SDK1: variants seen among roughly 807,000 people sequenced by gnomAD.
SDK1 encodes the protein sidekick cell adhesion molecule 1.
In SDK1, 157 loss-of-function variants were observed where a neutral mutation model predicts 245.5. That is an observed-to-expected ratio of 0.64 (90% CI 0.56 to 0.73). SDK1 has a LOEUF of 0.73. Ranked by LOEUF, SDK1 falls within the 30% of genes least tolerant of loss-of-function variation. The probability of loss-of-function intolerance (pLI) is 0.00; values close to 1 mark genes in which losing one functional copy is unlikely to be tolerated. For missense variants in SDK1, 3,583 were observed against 3,002.3 expected, an observed-to-expected ratio of 1.19 and a Z score of -4.52; for synonymous variants, 1,647 against 1,278.5, an observed-to-expected ratio of 1.29 and a Z score of -6.15.
chr7:3,516,696 G>T (rs1583985393), intron 1 of SDK1, among the ~76,000 whole-genome samples: 2 of 152,214 alleles, frequency 1.3e-5, no homozygotes, highest in African/African-American at 4.8e-5. Flanking sequence ...TTGTATAAAT[G>T]ATAATTTGGA....
chr7:3,480,474 C>G (rs544635769), intron 1 of SDK1, among the ~76,000 whole-genome samples: 1 of 151,556 alleles, frequency 6.6e-6, no homozygotes, highest in Non-Finnish European at 1.5e-5. Context: ...CTGCCTGCCT[C>G]GTGCACATAC....
chr7:3,739,728 A>G (rs1439502243), intron 4 of SDK1, among the ~76,000 whole-genome samples: 1 of 152,136 alleles, frequency 6.6e-6, no homozygotes, highest in Non-Finnish European at 1.5e-5. Flanking sequence ...AGCTAATTTC[A>G]AGGTTTTTTT....
At chr7:3,666,753 CAAA>C (rs1470511787) in intron 4 of SDK1, among the ~76,000 whole-genome samples, 1 of 151,756 alleles carries the variant, frequency 6.6e-6, no homozygotes, top group Non-Finnish European at 1.5e-5. Flanking sequence ...TTTGTGAAAA[CAAA>C]AAAAATCAAA....
intron 40 of SDK1, among the ~76,000 whole-genome samples, chr7:4,229,736 C>T (rs970472608): frequency 6.6e-6 from 1 of 152,146 alleles, no homozygotes; most frequent in African/African-American, 2.4e-5. Context: ...AAGCAACACC[C>T]AGTTTATAAG....
chr7:4,088,930 G>A (rs1781602569), intron 22 of SDK1, among the ~76,000 whole-genome samples: 1 of 151,964 alleles, frequency 6.6e-6, no homozygotes, highest in Non-Finnish European at 1.5e-5. Flanking sequence ...TCAGGCGGAG[G>A]TGAGACCCTT....
chr7:3,720,599 A>G (rs1367248967), intron 4 of SDK1, among the ~76,000 whole-genome samples: 2 of 152,244 alleles, frequency 1.3e-5, no homozygotes, highest in African/African-American at 4.8e-5. Context: ...GTGAGAATGC[A>G]GAGAAACTGG....
Position 3,849,415 on chromosome 7 carries a change from A to G in SDK1, c.847+27832A>G, listed in dbSNP as rs149038757. 5.9e-5 allele frequency among the ~76,000 whole-genome samples: 9 copies of G among 152,348 alleles called. No individual in the cohort carries two copies. In the East Asian group the frequency reaches 1.7e-3, roughly 29 times the overall value. ...CCCAGGACACAGAGTTTAGAATGGA[A>G]TTTGTATAGTTTCTAATGGCAAGAA... On this transcript the variant is annotated intron_variant, in intron 5 of 44. Transcript: ENST00000404826.
chr7:4,214,264 G>A (rs1759713312), intron 38 of SDK1, among the ~76,000 whole-genome samples: 1 of 152,190 alleles, frequency 6.6e-6, no homozygotes, highest in Admixed American at 6.5e-5. Flanking sequence ...TCAGAGATGG[G>A]GCTTGAGGAG....
chr7:3,730,951 G>A (rs1000751696), intron 4 of SDK1, among the ~76,000 whole-genome samples: 3 of 152,294 alleles, frequency 2.0e-5, no homozygotes, highest in Admixed American at 1.3e-4. Context: ...CCTTAGGACA[G>A]CTTTCATTTT....
Position 3,358,690 on chromosome 7 carries a change from G to C in SDK1, c.298+56806G>C, listed in dbSNP as rs1034434468. On this transcript the variant is annotated intron_variant, in intron 1 of 44. Coordinates refer to ENST00000404826, the MANE Select transcript of SDK1 (RefSeq NM_152744.4). ...TCTAGCAGCTTTGAGCATTGATACT[G>C]ATCTTGAGAATGAATCCAATTGGCA... 1.3e-5 allele frequency among the ~76,000 whole-genome samples: 2 copies of C among 152,160 alleles called. 1 individual carries two copies. The highest frequency in any genetic ancestry group is 4.8e-5 in the African/African-American group (2 of 41,424).
At chr7:3,510,991 C>G (rs1782559517) in intron 1 of SDK1, among the ~76,000 whole-genome samples, 1 of 152,200 alleles carries the variant, frequency 6.6e-6, no homozygotes, top group African/African-American at 2.4e-5. Context: ...GCCCTGGCTG[C>G]TGTCTTGAAG....
rs536048667 is a variant in SDK1, at chr7:3,808,547, G to A, written c.714-12903G>A. Among the ~76,000 whole-genome samples, 6 of 152,310 alleles carry A rather than the reference G, an allele frequency of 3.9e-5. No homozygotes were observed. The South Asian group carries it at 1.2e-3, about 32-fold the overall frequency. ...ATCCCAGCCCGACCTGCACCGTGAG[G>A]CAGAAGAGACATGTGTGTCACAGTT... On this transcript the variant is annotated intron_variant, in intron 4 of 44. Coordinates refer to ENST00000404826, the MANE Select transcript of SDK1 (RefSeq NM_152744.4).
intron 1 of SDK1, among the ~76,000 whole-genome samples, chr7:3,441,489 G>C (rs1377898179): frequency 6.6e-6 from 1 of 152,120 alleles, no homozygotes; most frequent in East Asian, 1.9e-4. Flanking sequence ...TCACTGAATT[G>C]CCTATTCACT....
chr7:3,673,736 A>G (rs1463563791), intron 4 of SDK1, among the ~76,000 whole-genome samples: 1 of 152,266 alleles, frequency 6.6e-6, no homozygotes, highest in Non-Finnish European at 1.5e-5. Flanking sequence ...TGCCTTGTGT[A>G]TTTGGTGGCT....
chr7:4,228,049 A>G (rs1467347762), intron 40 of SDK1, among the ~76,000 whole-genome samples: 1 of 152,234 alleles, frequency 6.6e-6, no homozygotes, highest in African/African-American at 2.4e-5. Context: ...ATCACGCCGT[A>G]AAAAATGAAG....
At chr7:3,974,976 C>A (rs1208648710) in intron 13 of SDK1, among the ~76,000 whole-genome samples, 4 of 152,138 alleles carry the variant, frequency 2.6e-5, no homozygotes, top group African/African-American at 9.7e-5. Flanking sequence ...CTTGGGGTTT[C>A]AGTGAGTCCC....
At chr7:4,255,531 G>A (rs908353288) in intron 44 of SDK1, among the ~76,000 whole-genome samples, 3 of 152,192 alleles carry the variant, frequency 2.0e-5, no homozygotes, top group African/African-American at 7.2e-5. Flanking sequence ...TCGGGGCCCA[G>A]TATTCTTGGC....
chr7:4,017,422 G>A lies in SDK1; in HGVS notation c.2602+70G>A, dbSNP rs1786501753. 18 of 1,384,856 alleles carry A rather than the reference G, an allele frequency of 1.3e-5. No individual in the cohort carries two copies. The South Asian group carries it at 2.4e-4, about 18-fold the overall frequency. 85.8% of individuals were successfully genotyped at this position (1,384,856 alleles called of 1,614,324 possible). On this transcript the variant is annotated intron_variant, in intron 17 of 44. Coordinates refer to ENST00000404826, the MANE Select transcript of SDK1 (RefSeq NM_152744.4). ...GGAATGGGATTTGCAAGGTTTGACT[G>A]GAGTACGTTAGAAAGAAAAACAGAG...
chr7:3,968,449 C>T (rs1300367323), intron 10 of SDK1, among the ~76,000 whole-genome samples: 3 of 152,202 alleles, frequency 2.0e-5, no homozygotes, highest in Non-Finnish European at 4.4e-5. Context: ...AACCACCTGG[C>T]AGCTTCTCGA....
Sources: allele counts gnomAD v4.1 joint callset (sites outside exome capture counted in the v4.1 genomes callset), GRCh38; gene constraint gnomAD v4.1.1; transcripts MANE v1.5; gene names NCBI Gene and HGNC (gene_info 2026-07-23, HGNC 2026-07-21).